The following ZNF600 variants were observed in gnomAD, a reference collection of about 807,000 sequenced individuals.
The protein encoded by ZNF600 is zinc finger protein KR-ZNF1.
Under a neutral mutation model 7.3 loss-of-function variants are expected in ZNF600, and 4 were observed. The observed-to-expected ratio is 0.55, with a 90% CI of 0.27 to 1.25. The LOEUF (loss-of-function observed/expected upper bound fraction) is 1.25, where lower values mean the gene tolerates loss of function less well. Ranked by LOEUF, ZNF600 falls within the 50% of genes most tolerant of loss-of-function variation. The pLI is 0.12. For missense variants in ZNF600, 911 were observed against 922.1 expected (o/e 0.99, Z 0.16); for synonymous variants, 290 against 308.9 (o/e 0.94, Z 0.64).
the ZNF600 span, chr19:52,809,759 C>T: frequency 2.1e-6 from 1 of 472,938 alleles, no homozygotes; most frequent in South Asian, 3.0e-5. Flanking sequence ...GAGCTGAGAT[C>T]ATGCCACTTC....
the ZNF600 span, among the ~76,000 whole-genome samples, chr19:52,833,574 C>A: frequency 6.6e-6 from 1 of 152,134 alleles, no homozygotes; most frequent in Admixed American, 6.5e-5. Flanking sequence ...TGGCTCCTTT[C>A]CTTTCCTCTT....
the ZNF600 span, among the ~76,000 whole-genome samples, chr19:52,811,223 G>C: frequency 6.6e-6 from 1 of 151,386 alleles, no homozygotes; most frequent in Non-Finnish European, 1.5e-5. Context: ...GAGTGCAGCG[G>C]CGTGATCTCG....
the ZNF600 span, among the ~76,000 whole-genome samples, chr19:52,829,504 A>G: frequency 6.7e-6 from 1 of 150,354 alleles, no homozygotes; most frequent in Non-Finnish European, 1.5e-5. Context: ...CCTCCTGTGT[A>G]GCTGGGATTT....
At chr19:52,791,110 C>T (rs1156659190), upstream of ZNF600, among the ~76,000 whole-genome samples, 1 of 152,212 alleles carries the variant, frequency 6.6e-6, no homozygotes, top group Non-Finnish European at 1.5e-5. Context: ...CCAGAATTTA[C>T]CAGATATCTG....
chr19:52,828,883 C>T, the ZNF600 span, among the ~76,000 whole-genome samples: 5 of 152,178 alleles, frequency 3.3e-5, no homozygotes, highest in East Asian at 3.9e-4. Flanking sequence ...TTTTTTGAGA[C>T]GGGGTCTCCC....
the ZNF600 span, among the ~76,000 whole-genome samples, chr19:52,829,261 T>C: frequency 1.3e-5 from 2 of 151,706 alleles, no homozygotes; most frequent in African/African-American, 2.4e-5. Context: ...CATGTGCACA[T>C]TGTGCAGGTT....
At chr19:52,767,450 C>A (rs762309221) in exon 4 of ZNF600, 5 of 1,614,020 alleles carry the variant, frequency 3.1e-6, no homozygotes, top group African/African-American at 1.3e-5. Flanking sequence ...TACCTTTGAT[C>A]TGAATTATGT....
At chr19:52,822,074 CTTTTTTT>C in the ZNF600 span, among the ~76,000 whole-genome samples, 2 of 78,696 alleles carry the variant, frequency 2.5e-5, no homozygotes, top group East Asian at 2.7e-4. Context: ...TTCTTTTTCC[CTTTTTTT>C]TTTTTTTTTT....
chr19:52,767,605 C>A, exon 4 of ZNF600: 8 of 1,613,866 alleles, frequency 5.0e-6, no homozygotes, highest in Non-Finnish European at 6.8e-6. Flanking sequence ...TTTCTTTCAT[C>A]TTCTTGACAC....
the ZNF600 span, among the ~76,000 whole-genome samples, chr19:52,826,624 T>C: frequency 6.6e-6 from 1 of 152,080 alleles, no homozygotes; most frequent in Non-Finnish European, 1.5e-5. Flanking sequence ...GAGAATTGCT[T>C]GAACCCGGGA....
chr19:52,791,981 C>T, the ZNF600 span, among the ~76,000 whole-genome samples: 1 of 152,226 alleles, frequency 6.6e-6, no homozygotes, highest in African/African-American at 2.4e-5. Context: ...ATGACAAGCA[C>T]CTGCGCCACT....
chr19:52,801,083 C>T, the ZNF600 span: 2 of 1,614,156 alleles, frequency 1.2e-6, no homozygotes, highest in South Asian at 2.2e-5. Flanking sequence ...GGTATCGCTT[C>T]TGATTAAATA....
At chr19:52,808,684 G>A in the ZNF600 span, among the ~76,000 whole-genome samples, 1 of 151,038 alleles carries the variant, frequency 6.6e-6, no homozygotes, top group Non-Finnish European at 1.5e-5. Context: ...CCTGGTGGCA[G>A]GCACCTGCGG....
At chr19:52,784,479 G>A (rs2062748638) in intron 1 of ZNF600, among the ~76,000 whole-genome samples, 1 of 152,030 alleles carries the variant, frequency 6.6e-6, no homozygotes, top group Non-Finnish European at 1.5e-5. Flanking sequence ...CCACATCACT[G>A]TCCCACTTCC....
the ZNF600 span, among the ~76,000 whole-genome samples, chr19:52,811,364 T>A: frequency 7.5e-5 from 11 of 146,240 alleles, no homozygotes; most frequent in Non-Finnish European, 4.5e-5. Flanking sequence ...TTGTCTGGGA[T>A]GTGAGGAGCC....
chr19:52,807,992 G>A, the ZNF600 span: 1 of 1,612,858 alleles, frequency 6.2e-7, no homozygotes, highest in Non-Finnish European at 8.5e-7. Flanking sequence ...CACATCCCCA[G>A]GAGGTTATCC....
chr19:52,819,621 T>C, the ZNF600 span, among the ~76,000 whole-genome samples: 660 of 123,600 alleles, frequency 5.3e-3, 104 homozygotes, highest in African/African-American at 0.022. Context: ...TTTCACGAAG[T>C]TACCCTGAGA....
At chr19:52,796,621 C>A in the ZNF600 span, among the ~76,000 whole-genome samples, 2,210 of 152,250 alleles carry the variant, frequency 0.015, 63 homozygotes, top group African/African-American at 0.051. Flanking sequence ...CATGTGCCAC[C>A]ATGCCCAGCT....
intron 1 of ZNF600, among the ~76,000 whole-genome samples, chr19:52,783,567 T>C (rs2062740790): frequency 6.6e-6 from 1 of 152,122 alleles, no homozygotes; most frequent in Non-Finnish European, 1.5e-5. Flanking sequence ...TTCACCGTGT[T>C]AGCCAGGACG....
Sources: allele counts gnomAD v4.1 joint callset (sites outside exome capture counted in the v4.1 genomes callset), GRCh38; gene constraint gnomAD v4.1.1; transcripts MANE v1.5; gene names NCBI Gene and HGNC (gene_info 2026-07-23, HGNC 2026-07-21).